Variants in REV3L observed in about 807,000 individuals in gnomAD.
REV3L encodes the protein DNA polymerase zeta catalytic subunit.
A neutral mutation model predicts 299.4 loss-of-function variants in REV3L; 69 were observed. The observed-to-expected ratio is 0.23, with a 90% CI of 0.19 to 0.28. REV3L has a LOEUF of 0.28. Among genes scored for constraint, REV3L ranks in the 10% least tolerant of loss-of-function variants. The probability of loss-of-function intolerance (pLI) is 1.00; values close to 1 mark genes in which losing one functional copy is unlikely to be tolerated. For missense variants in REV3L, 3,128 were observed against 3,693.8 expected (o/e 0.85, Z 3.97); for synonymous variants, 1,238 against 1,271.4 (o/e 0.97, Z 0.56).
At chr6:111,365,234 A>G (rs1300407776) in intron 15 of REV3L, 31 bp downstream of exon 15, 3 of 1,250,220 alleles carry the variant, frequency 2.4e-6, no homozygotes, top group Non-Finnish European at 3.3e-6. Flanking sequence ...TGGCTCTTCC[A>G]CTGATCTTTA....
At chr6:111,342,856 C>T (rs182979449) in intron 21 of REV3L, among the ~76,000 whole-genome samples, 2 of 152,112 alleles carry the variant, frequency 1.3e-5, no homozygotes, top group Admixed American at 1.3e-4. Flanking sequence ...GTTGACTTCT[C>T]ATCAGCAAAA....
intron 3 of REV3L, among the ~76,000 whole-genome samples, chr6:111,406,458 C>T (rs1305166951): frequency 2.0e-5 from 3 of 152,150 alleles, no homozygotes; most frequent in East Asian, 1.9e-4. Flanking sequence ...CATCACCAGA[C>T]TAGCTATAGA....
Position 111,373,774 on chromosome 6 carries a change from C to G in REV3L, c.4581G>C (p.Leu1527=), listed in dbSNP as rs1780027937. 1.2e-6 allele frequency: 2 copies of G among 1,614,042 alleles called. No homozygotes were observed. Among genetic ancestry groups the G allele is most frequent in the Non-Finnish European group, 1.7e-6 (2 of 1,179,982 alleles). ...PSAFGEGQSG[L]AVLKELLQKR... is the part of the protein sequence containing the mutation. ...TTTGTAACAATTCTTTTAGAACTGC[C>G]AGTCCAGACTGTCCTTCACCAAATG... The change falls in exon 13 of 32, where the codon CTG becomes CTC. Residue 1527 remains leucine (L), a synonymous_variant. Coordinates refer to ENST00000368802, the MANE Select transcript of REV3L (RefSeq NM_001372078.1).
Position 111,482,918 on chromosome 6 carries a change from A to T in REV3L, c.-30T>A. 6.7e-7 allele frequency: 1 copy of T among 1,497,198 alleles called. No homozygotes were observed. Among genetic ancestry groups the T allele is most frequent in the Non-Finnish European group, 8.8e-7 (1 of 1,133,908 alleles). The allele number at this position is 1,497,198 out of a possible 1,614,324, so 92.7% of individuals were successfully genotyped here. A position where few individuals can be genotyped will look rare whatever the true frequency, so the allele number is the denominator to read the frequency against. On this transcript the variant is annotated 5_prime_UTR_variant, in exon 1 of 32. Transcript: ENST00000368802. ...GCCGCCGCCGCCACTGCCTCCCTTC[A>T]CTGGCGACCCGGCAGCGGCAGCAGC...
intron 1 of REV3L, among the ~76,000 whole-genome samples, chr6:111,441,465 T>G (rs1228691420): frequency 6.6e-6 from 1 of 152,154 alleles, no homozygotes; most frequent in Non-Finnish European, 1.5e-5. Context: ...CTGCCCAGGC[T>G]GGTCTTGAAC....
At chr6:111,483,650 G>GA (rs1562387841), upstream of REV3L, 3 of 428,728 alleles carry the variant, frequency 7.0e-6, no homozygotes, top group Admixed American at 7.7e-5. Context: ...CAGCCGCTGA[G>GA]ACGGTTTTTC....
chr6:111,301,627 CAG>C (rs1771534832), intron 31 of REV3L, among the ~76,000 whole-genome samples: 1 of 152,132 alleles, frequency 6.6e-6, no homozygotes, highest in African/African-American at 2.4e-5. Context: ...CATAATGAGT[CAG>C]AATCTCCAGG....
At chr6:111,302,953 T>A (rs1370540818) in intron 31 of REV3L, among the ~76,000 whole-genome samples, 14 of 152,130 alleles carry the variant, frequency 9.2e-5, no homozygotes, top group Admixed American at 9.2e-4. Flanking sequence ...TTCTTTCATG[T>A]TTATGATTAA....
chr6:111,453,801 T>C (rs1789839254), intron 1 of REV3L, among the ~76,000 whole-genome samples: 1 of 152,056 alleles, frequency 6.6e-6, no homozygotes. Flanking sequence ...CTGGCCAGCA[T>C]GGTGAAACCC....
chr6:111,440,216 TGC>T (rs1788096089), intron 1 of REV3L, among the ~76,000 whole-genome samples: 3 of 152,128 alleles, frequency 2.0e-5, no homozygotes, highest in African/African-American at 7.2e-5. Flanking sequence ...ATTACAGGCA[TGC>T]GCCACCATGC....
intron 15 of REV3L, 76 bp downstream of exon 15, chr6:111,365,189 T>C (rs1257636416): frequency 1.0e-6 from 1 of 954,446 alleles, no homozygotes; most frequent in Non-Finnish European, 1.5e-6. Flanking sequence ...TGAGACAAAG[T>C]TAACAATTAT....
At chr6:111,425,709 A>G (rs967676313) in intron 1 of REV3L, among the ~76,000 whole-genome samples, 13 of 152,194 alleles carry the variant, frequency 8.5e-5, no homozygotes, top group Non-Finnish European at 1.5e-5. Flanking sequence ...CTGTTCATGA[A>G]GAAGCCAAGG....
chr6:111,453,547 G>A lies in REV3L; in HGVS notation c.139+29203C>T, dbSNP rs539377353. 7.2e-5 allele frequency among the ~76,000 whole-genome samples: 11 copies of A among 152,222 alleles called. No homozygotes were observed. The South Asian group carries it at 2.3e-3, about 32-fold the overall frequency. On this transcript the variant is annotated intron_variant, in intron 1 of 31. Coordinates refer to ENST00000368802, the MANE Select transcript of REV3L (RefSeq NM_001372078.1). ...AAAAAAGACTTTTTGACCTTACCAAGCCTGAAGTCTCACAATGCCATACTG... is the reference window on the plus strand; with the variant it reads ...AAAAAAGACTTTTTGACCTTACCAAACCTGAAGTCTCACAATGCCATACTG...
chr6:111,437,439 CTATA>C (rs1787686872), intron 1 of REV3L, among the ~76,000 whole-genome samples: 1 of 151,504 alleles, frequency 6.6e-6, no homozygotes, highest in Admixed American at 6.6e-5. Flanking sequence ...AAATGCTATA[CTATA>C]TATAAAATTA....
In REV3L at chr6:111,375,002, G is replaced by C. The variant is rs758192157; in HGVS notation, c.3353C>G (p.Thr1118Arg). Reference protein sequence around the residue: ...SKLGFLSERSTSPINSSPPRC... With the variant: ...SKLGFLSERSRSPINSSPPRC... ...AGGTGGAGAAGAATTTATGGGACTTGTGCTTCTCTCAGAAAGAAAACCTAG... is the reference window on the plus strand; with the variant it reads ...AGGTGGAGAAGAATTTATGGGACTTCTGCTTCTCTCAGAAAGAAAACCTAG... The change falls in exon 13 of 32, where the codon ACA becomes AGA. Residue 1118 changes from threonine (T) to arginine (R), a missense_variant. Physicochemically the swap from Thr to Arg is moderately conservative, Grantham distance 71. Coordinates refer to ENST00000368802, the MANE Select transcript of REV3L (RefSeq NM_001372078.1). 2.2e-5 allele frequency: 36 copies of C among 1,613,180 alleles called. No individual in the cohort carries two copies. In the Admixed American group the frequency reaches 5.3e-4, roughly 24 times the overall value.
At chr6:111,356,009 T>C (rs1778054272) in intron 18 of REV3L, among the ~76,000 whole-genome samples, 1 of 152,162 alleles carries the variant, frequency 6.6e-6, no homozygotes, top group African/African-American at 2.4e-5. Flanking sequence ...ACACATGTTT[T>C]GGTTTTCTAA....
intron 22 of REV3L, among the ~76,000 whole-genome samples, chr6:111,334,852 G>C (rs1775753934): frequency 1.3e-5 from 2 of 152,078 alleles, no homozygotes; most frequent in African/African-American, 4.8e-5. Flanking sequence ...AAATAAGTAA[G>C]GATTTTACAA....
At chr6:111,343,494 G>A (rs1388702565) in intron 21 of REV3L, among the ~76,000 whole-genome samples, 1 of 152,096 alleles carries the variant, frequency 6.6e-6, no homozygotes, top group African/African-American at 2.4e-5. Flanking sequence ...CAAGATAAAT[G>A]CATTTTTCAA....
In REV3L at chr6:111,367,809, C is replaced by G. The variant is rs747651211; in HGVS notation, c.5979G>C (p.Val1993=). The change falls in exon 14 of 32, where the codon GTG becomes GTC. Residue 1993 remains valine (V), a synonymous_variant. Coordinates refer to ENST00000368802, the MANE Select transcript of REV3L (RefSeq NM_001372078.1). ...SPKMVEDKKI[V]IMPCKCAPSR... is the part of the protein sequence containing the mutation. ...TTGGGGCACATTTGCAAGGCATAAT[C>G]ACAATTTTTTTATCTTCAACCATCT... 4.0e-5 allele frequency: 65 copies of G among 1,613,968 alleles called. No individual in the cohort carries two copies. Among genetic ancestry groups the G allele is most frequent in the Non-Finnish European group, 5.2e-5 (61 of 1,179,988 alleles).
Sources: gnomAD v4.1 joint callset for allele counts (sites outside exome capture counted in the v4.1 genomes callset) on GRCh38, gnomAD v4.1.1 for gene constraint, MANE v1.5 for transcripts, NCBI Gene and HGNC (gene_info 2026-07-23, HGNC 2026-07-21) for gene names.